The following MID1 variants were observed in gnomAD, a reference collection of about 807,000 sequenced individuals.
The protein encoded by MID1 is E3 ubiquitin-protein ligase Midline-1.
A neutral mutation model predicts 40.4 loss-of-function variants in MID1; 7 were observed. The ratio of observed to expected loss-of-function variants is 0.17; its 90% CI spans 0.10 to 0.33. The LOEUF (loss-of-function observed/expected upper bound fraction) is 0.33, where lower values mean the gene tolerates loss of function less well. Ranked by LOEUF, MID1 falls within the 10% of genes least tolerant of loss-of-function variation. The pLI is 1.00. For missense variants in MID1, 367 were observed against 558.5 expected, an observed-to-expected ratio of 0.66 and a Z score of 3.46; for synonymous variants, 229 against 221.2, an observed-to-expected ratio of 1.04 and a Z score of -0.31.
intron 1 of MID1, among the ~76,000 whole-genome samples, chrX:10,574,019 G>T (rs748940524): frequency 4.5e-5 from 5 of 111,547 alleles, no homozygotes; most frequent in Admixed American, 2.9e-4. Context: ...TCCCTCTTTG[G>T]GGGAGGCACA....
At chrX:10,678,515 G>T (rs2043037863) in intron 1 of MID1, among the ~76,000 whole-genome samples, 2 of 112,189 alleles carry the variant, frequency 1.8e-5, no homozygotes, top group Admixed American at 1.9e-4. Context: ...AGATATTTAT[G>T]TCTGTATCTA....
chrX:10,738,016 C>CAT (rs1387612720), intron 1 of MID1, among the ~76,000 whole-genome samples: 3 of 110,789 alleles, frequency 2.7e-5, no homozygotes, highest in African/African-American at 9.9e-5. Flanking sequence ...CCCAGAGCAG[C>CAT]ATTGGCATGG....
chrX:10,670,931 A>C (rs1253810956), intron 1 of MID1, among the ~76,000 whole-genome samples: 1 of 111,991 alleles, frequency 8.9e-6, no homozygotes, highest in Admixed American at 9.5e-5. Flanking sequence ...ATTTTTGGTC[A>C]TCTATTTTTT....
chrX:10,592,647 T>A (rs186644750), intron 1 of MID1, among the ~76,000 whole-genome samples: 196 of 110,400 alleles, frequency 1.8e-3, no homozygotes, highest in South Asian at 0.011. Flanking sequence ...TGTATATATA[T>A]AGAGAGAGTA....
chrX:10,572,221 T>C lies in MID1; in HGVS notation c.-56-4618A>G, dbSNP rs146796507. Among the ~76,000 whole-genome samples, 382 of 100,854 alleles carry C rather than the reference T, an allele frequency of 3.8e-3. 1 individual carries two copies. The highest frequency in any genetic ancestry group is 0.011 in the African/African-American group (312 of 27,842). 87.6% of individuals were successfully genotyped at this position (100,854 alleles called of 115,157 possible). ...ACACACACACACACACACACACACATATATATATAGCTTACATTGTTATTT... is the reference window on the plus strand; with the variant it reads ...ACACACACACACACACACACACACACATATATATAGCTTACATTGTTATTT... On this transcript the variant is annotated intron_variant, in intron 1 of 9. Transcript: ENST00000317552.
chrX:10,706,291 G>C (rs186602029), intron 1 of MID1, among the ~76,000 whole-genome samples: 1 of 110,897 alleles, frequency 9.0e-6, no homozygotes, highest in African/African-American at 3.3e-5. Context: ...GGGAAGCAAG[G>C]GAAATCTAGG....
At chrX:10,533,433 A>AAG (rs1569090045) in intron 2 of MID1, among the ~76,000 whole-genome samples, 1 of 95,397 alleles carries the variant, frequency 1.0e-5, no homozygotes, top group African/African-American at 3.8e-5. Context: ...GAAAGAAAGA[A>AAG]AGAGAAAGAA....
intron 1 of MID1, among the ~76,000 whole-genome samples, chrX:10,660,510 C>T (rs910978316): frequency 9.0e-6 from 1 of 110,617 alleles, no homozygotes; most frequent in Non-Finnish European, 1.9e-5. Flanking sequence ...TCTTTGGAGA[C>T]GTTTATGAGA....
At chrX:10,514,846 G>A (rs1932323915) in intron 3 of MID1, among the ~76,000 whole-genome samples, 1 of 111,611 alleles carries the variant, frequency 9.0e-6, no homozygotes, top group African/African-American at 3.3e-5. Flanking sequence ...ATTACATGGA[G>A]AGCCAGAGCT....
chrX:10,682,477 G>A (rs933571048), intron 1 of MID1, among the ~76,000 whole-genome samples: 2 of 110,353 alleles, frequency 1.8e-5, no homozygotes, highest in Admixed American at 9.8e-5. Flanking sequence ...AGTATTTAAC[G>A]GATGTAAAAA....
chrX:10,677,153 GA>G lies in MID1; in HGVS notation c.-186-56735del, dbSNP rs755883683. ...CAAGAAAAGGTGGAATATCATATATGAAAAAGTGATCGATATGTACTATCAA... is the reference window on the plus strand; with the variant it reads ...CAAGAAAAGGTGGAATATCATATATGAAAAGTGATCGATATGTACTATCAA... On this transcript the variant is annotated intron_variant, in intron 1 of 10. Transcript: ENST00000380785. Among the ~76,000 whole-genome samples the G allele has an allele frequency of 5.6e-4, 63 of 111,878 alleles. 1 individual carries two copies. The highest frequency in any genetic ancestry group is 2.0e-3 in the African/African-American group (62 of 30,845).
At chrX:10,765,894 AAAG>A in intron 1 of MID1, among the ~76,000 whole-genome samples, 1 of 106,436 alleles carries the variant, frequency 9.4e-6, no homozygotes, top group South Asian at 4.1e-4. Flanking sequence ...GAAAGAAAGA[AAAG>A]AAAGAAAGAA....
chrX:10,539,941 G>A (rs948625792), intron 2 of MID1, among the ~76,000 whole-genome samples: 14 of 112,409 alleles, frequency 1.2e-4, no homozygotes, highest in African/African-American at 3.9e-4. Context: ...GGCTCGGTGC[G>A]GTGTTTCACA....
chrX:10,769,578 C>G (rs2043751959), intron 1 of MID1, among the ~76,000 whole-genome samples: 1 of 112,150 alleles, frequency 8.9e-6, no homozygotes, highest in Non-Finnish European at 1.9e-5. Flanking sequence ...TTCAAAGAAG[C>G]ACACAAGAAC....
intron 1 of MID1, among the ~76,000 whole-genome samples, chrX:10,697,542 T>C (rs1165475830): frequency 8.9e-6 from 1 of 111,835 alleles, no homozygotes; most frequent in East Asian, 2.8e-4. Context: ...AAAAATCTGC[T>C]CTAATGAGGC....
intron 1 of MID1, among the ~76,000 whole-genome samples, chrX:10,720,501 C>T (rs977160783): frequency 8.9e-6 from 1 of 111,978 alleles, no homozygotes; most frequent in Non-Finnish European, 1.9e-5. Context: ...CAATGAGATA[C>T]CATCTCACAC....
chrX:10,818,817 G>A (rs1436057002), intron 1 of MID1, among the ~76,000 whole-genome samples: 1 of 112,202 alleles, frequency 8.9e-6, no homozygotes, highest in African/African-American at 3.2e-5. Flanking sequence ...AAATGACTCT[G>A]AGAGGCAGGT....
chrX:10,547,572 C>CAAAAA (rs1171938473), intron 2 of MID1, among the ~76,000 whole-genome samples: 1 of 14,588 alleles, frequency 6.9e-5, no homozygotes, highest in Non-Finnish European at 1.3e-4. Context: ...GACTCTGTCT[C>CAAAAA]AAAAAAAAAA....
chrX:10,730,093 A>T (rs191066036), intron 1 of MID1, among the ~76,000 whole-genome samples: 4,532 of 108,503 alleles, frequency 0.042, 226 homozygotes, highest in African/African-American at 0.13. Context: ...CAAAAAAAAA[A>T]AAATAAATAA....
Sources: allele counts gnomAD v4.1 joint callset (sites outside exome capture counted in the v4.1 genomes callset), GRCh38; gene constraint gnomAD v4.1.1; transcripts MANE v1.5; gene names NCBI Gene and HGNC (gene_info 2026-07-23, HGNC 2026-07-21).